Variants in NWD2 observed in about 807,000 individuals in gnomAD.
NWD2 encodes the protein NACHT and WD repeat domain containing 2.
NWD2 carries 37 observed loss-of-function variants against 132.7 expected under a neutral mutation model. The observed-to-expected ratio is 0.28, with a 90% CI of 0.21 to 0.37. The LOEUF is 0.37. Ranked by LOEUF, NWD2 falls within the 10% of genes least tolerant of loss-of-function variation. The pLI is 1.00. For missense variants in NWD2, 1,592 were observed against 2,122.4 expected, an observed-to-expected ratio of 0.75 and a Z score of 4.91; for synonymous variants, 705 against 803.0, an observed-to-expected ratio of 0.88 and a Z score of 2.06.
intron 3 of NWD2, among the ~76,000 whole-genome samples, chr4:37,387,197 C>T (rs1330428559): frequency 6.6e-6 from 1 of 151,902 alleles, no homozygotes; most frequent in Non-Finnish European, 1.5e-5. Context: ...AATATGACTA[C>T]TAGAAAACTA....
chr4:37,403,375 G>A (rs964730825), intron 3 of NWD2, among the ~76,000 whole-genome samples: 10 of 152,162 alleles, frequency 6.6e-5, no homozygotes, highest in Non-Finnish European at 1.5e-4. Context: ...TTTAGCTCAG[G>A]TGAACATGAA....
At chr4:37,294,429 C>G (rs1409124939) in intron 1 of NWD2, among the ~76,000 whole-genome samples, 1 of 152,126 alleles carries the variant, frequency 6.6e-6, no homozygotes, top group African/African-American at 2.4e-5. Context: ...CCCTGTAGGA[C>G]TACATGCTGA....
At chr4:37,361,145 A>G (rs1719974324) in intron 3 of NWD2, among the ~76,000 whole-genome samples, 1 of 152,150 alleles carries the variant, frequency 6.6e-6, no homozygotes, top group Non-Finnish European at 1.5e-5. Context: ...CTGAAACCCT[A>G]AGCAACCAGT....
chr4:37,337,660 G>A (rs529820013), intron 2 of NWD2, among the ~76,000 whole-genome samples: 1 of 152,268 alleles, frequency 6.6e-6, no homozygotes, highest in South Asian at 2.1e-4. Flanking sequence ...GCCCATGCCT[G>A]TCCACCTGGT....
chr4:37,445,051 A>G lies in NWD2; in HGVS notation c.3063A>G (p.Glu1021=). 1 of 1,551,862 alleles carries G rather than the reference A, an allele frequency of 6.4e-7. No individual in the cohort carries two copies. Among genetic ancestry groups the G allele is most frequent in the Non-Finnish European group, 8.7e-7 (1 of 1,147,032 alleles). The part of the protein sequence containing the change: ...VILGMKLTSD[E]KYLVVATTNN... ...TGGGCATGAAACTCACCAGTGATGA[A>G]AAGTACCTTGTGGTGGCTACAACAA... The change falls in exon 7 of 7, where the codon GAA becomes GAG. Residue 1021 remains glutamate, a synonymous_variant. Coordinates refer to ENST00000309447, the MANE Select transcript of NWD2 (RefSeq NM_001144990.2). The surrounding 1 kb of genome is among the most constrained non-coding windows in gnomAD (Gnocchi z 4.7).
chr4:37,342,812 G>T (rs1344362623), intron 2 of NWD2, among the ~76,000 whole-genome samples: 1 of 152,162 alleles, frequency 6.6e-6, no homozygotes, highest in Non-Finnish European at 1.5e-5. Context: ...TCTACAGAAG[G>T]CTTTCGATGA....
chr4:37,444,853 A>G lies in NWD2; in HGVS notation c.2865A>G (p.Thr955=), dbSNP rs1277618798. ...IVPLHSSMDV[T]YSPERLPLSS... Reference sequence around the variant, plus strand: ...CACTGCATTCATCCATGGATGTGACATACAGCCCAGAGCGTCTTCCCTTAT... The same window carrying G: ...CACTGCATTCATCCATGGATGTGACGTACAGCCCAGAGCGTCTTCCCTTAT... The change falls in exon 7 of 7, where the codon ACA becomes ACG. Residue 955 remains threonine (T), a synonymous_variant. Transcript: ENST00000309447. This position sits in a 1 kb window ranked among gnomAD's most constrained non-coding sequence, Gnocchi z 4.8. 1.3e-6 allele frequency: 2 copies of G among 1,552,164 alleles called. No homozygotes were observed. Among genetic ancestry groups the G allele is most frequent in the Admixed American group, 2.0e-5 (1 of 50,992 alleles).
intron 1 of NWD2, among the ~76,000 whole-genome samples, chr4:37,304,503 C>A (rs192673930): frequency 6.6e-6 from 1 of 152,190 alleles, no homozygotes; most frequent in Non-Finnish European, 1.5e-5. Context: ...CAAGTCTCTT[C>A]CACCTATAAG....
At chr4:37,308,476 G>T (rs528230665) in intron 1 of NWD2, among the ~76,000 whole-genome samples, 2 of 152,302 alleles carry the variant, frequency 1.3e-5, no homozygotes, top group East Asian at 3.9e-4. Flanking sequence ...ACTTGGAGGG[G>T]TATGCTGGTC....
At chr4:37,340,979 C>T (rs1262933832) in intron 2 of NWD2, among the ~76,000 whole-genome samples, 1 of 152,148 alleles carries the variant, frequency 6.6e-6, no homozygotes, top group Non-Finnish European at 1.5e-5. Flanking sequence ...TACTCCTACT[C>T]GCTATACCAT....
In NWD2 at chr4:37,444,362, A is replaced by C; in HGVS notation, c.2374A>C (p.Ser792Arg). The C allele has an allele frequency of 1.3e-6, 2 of 1,552,050 alleles. No homozygotes were observed. The highest frequency in any genetic ancestry group is 1.7e-4 in the Middle Eastern group (1 of 5,994). ...LNGCLDLENR[S>R]LLEEEKHFME... ...TGGCTGCCTTGACTTGGAGAACAGA[A>C]GTTTGCTGGAGGAAGAAAAGCACTT... is the stretch of plus-strand genomic sequence containing the variant. The change falls in exon 7 of 7, where the codon AGT (serine) becomes CGT (arginine). Residue 792 changes from serine to arginine, a missense_variant. Physicochemically the swap from Ser to Arg is moderately radical, Grantham distance 110. Coordinates refer to ENST00000309447, the MANE Select transcript of NWD2 (RefSeq NM_001144990.2). This position sits in a 1 kb window ranked among gnomAD's most constrained non-coding sequence, Gnocchi z 4.8.
At chr4:37,284,896 A>T (rs1718195899) in intron 1 of NWD2, among the ~76,000 whole-genome samples, 2 of 152,106 alleles carry the variant, frequency 1.3e-5, no homozygotes, top group African/African-American at 2.4e-5. Context: ...AAATGATGGG[A>T]TGCCTCCGTA....
At position 37,443,968 on chromosome 4, in the gene NWD2, G is replaced by A. The variant is rs1210503444; in HGVS notation, c.1980G>A (p.Arg660=). The change falls in exon 7 of 7, where the codon AGG becomes AGA. Residue 660 remains arginine (R), a synonymous_variant. Transcript: ENST00000309447. This position sits in a 1 kb window ranked among gnomAD's most constrained non-coding sequence, Gnocchi z 4.1. ...EKKCGQKLVS[R]ALGYITMAKM... is the part of the protein sequence containing the mutation. ...AGTGTGGTCAGAAACTGGTCTCTAG[G>A]GCTCTTGGTTACATCACCATGGCCA... 1.3e-6 allele frequency: 2 copies of A among 1,552,244 alleles called. No homozygotes were observed. Among genetic ancestry groups the A allele is most frequent in the Non-Finnish European group, 1.7e-6 (2 of 1,147,128 alleles).
intron 4 of NWD2, among the ~76,000 whole-genome samples, chr4:37,433,292 A>T (rs1002085533): frequency 2.4e-4 from 36 of 152,200 alleles, no homozygotes; most frequent in African/African-American, 8.2e-4. Context: ...GTTACTATTT[A>T]ATTTGCTTTA....
intron 1 of NWD2, among the ~76,000 whole-genome samples, chr4:37,271,731 A>T (rs1717874478): frequency 2.6e-5 from 4 of 151,804 alleles, no homozygotes; most frequent in Admixed American, 2.6e-4. Context: ...GTTGTTAAAC[A>T]AAAGTGATGG....
At chr4:37,433,521 T>A (rs1203672178) in intron 4 of NWD2, among the ~76,000 whole-genome samples, 1 of 152,186 alleles carries the variant, frequency 6.6e-6, no homozygotes, top group Non-Finnish European at 1.5e-5. Flanking sequence ...GACAACTAGA[T>A]ATAACATAAG....
chr4:37,320,411 T>C (rs913988208), intron 1 of NWD2, among the ~76,000 whole-genome samples: 4 of 152,246 alleles, frequency 2.6e-5, no homozygotes, highest in East Asian at 1.9e-4. Flanking sequence ...GTTTTTGTTT[T>C]CATTTTGTCT....
rs191607746 is a variant in NWD2, at chr4:37,380,580, T to A, written c.357+24098T>A. On this transcript the variant is annotated intron_variant, in intron 3 of 6. Coordinates refer to ENST00000309447, the MANE Select transcript of NWD2 (RefSeq NM_001144990.2). ...TTACCCATAGTATGCCTTAAATAAATGCTAGCTATGGTTATTATTAGGAAC... is the reference window on the plus strand; with the variant it reads ...TTACCCATAGTATGCCTTAAATAAAAGCTAGCTATGGTTATTATTAGGAAC... Among the ~76,000 whole-genome samples, 6 of 152,328 alleles carry A rather than the reference T, an allele frequency of 3.9e-5. No homozygotes were observed. The East Asian group carries it at 1.2e-3, about 29-fold the overall frequency.
chr4:37,338,120 T>C (rs568343632), intron 2 of NWD2, among the ~76,000 whole-genome samples: 2 of 152,378 alleles, frequency 1.3e-5, no homozygotes, highest in African/African-American at 4.8e-5. Context: ...TGGTCCAAAC[T>C]GTACACAGCT....
Sources: gnomAD v4.1 joint callset for allele counts (sites outside exome capture counted in the v4.1 genomes callset) on GRCh38, gnomAD v4.1.1 for gene constraint, Gnocchi (gnomAD v3.1) non-coding constraint, MANE v1.5 for transcripts, NCBI Gene and HGNC (gene_info 2026-07-23, HGNC 2026-07-21) for gene names.